The following SLC39A8 variants were observed in gnomAD, a reference collection of about 807,000 sequenced individuals.
SLC39A8 encodes solute carrier family 39 member 8.
In SLC39A8, 15 loss-of-function variants were observed where a neutral mutation model predicts 40.4. The observed-to-expected ratio is 0.37, with a 90% CI of 0.25 to 0.57. The LOEUF (loss-of-function observed/expected upper bound fraction) is 0.57. Ranked by LOEUF, SLC39A8 falls within the 20% of genes least tolerant of loss-of-function variation. SLC39A8 has a pLI of 0.75. For missense variants in SLC39A8, 472 were observed against 558.8 expected (o/e 0.84, Z 1.57); for synonymous variants, 223 against 221.6 (o/e 1.01, Z -0.06).
At chr4:102,343,033 T>C (rs1248074657) in intron 2 of SLC39A8, among the ~76,000 whole-genome samples, 1 of 152,238 alleles carries the variant, frequency 6.6e-6, no homozygotes, top group African/African-American at 2.4e-5. Flanking sequence ...AAACACTTTA[T>C]TTTCTTAAAT....
intron 2 of SLC39A8, among the ~76,000 whole-genome samples, chr4:102,335,595 T>C (rs1735631533): frequency 6.6e-6 from 1 of 152,210 alleles, no homozygotes; most frequent in Non-Finnish European, 1.5e-5. Flanking sequence ...TCAGTGGTGA[T>C]GCCAATCTGG....
At chr4:102,309,249 C>T (rs994722049) in intron 3 of SLC39A8, among the ~76,000 whole-genome samples, 3 of 152,084 alleles carry the variant, frequency 2.0e-5, no homozygotes, top group African/African-American at 7.2e-5. Flanking sequence ...AGTGCAAACA[C>T]ACACACAGAG....
rs1244400973 is a variant in SLC39A8 at position 102,267,678 on chromosome 4, G to A, written c.1049-4C>T. The A allele has an allele frequency of 2.0e-6, 3 of 1,529,352 alleles. No homozygotes were observed. Among genetic ancestry groups the A allele is most frequent in the Non-Finnish European group, 2.6e-6 (3 of 1,155,264 alleles). The allele number at this position is 1,529,352 out of a possible 1,614,324, so 94.7% of individuals were successfully genotyped here. ...TTGAGTAGGATCACAAAGTCTCCTA[G>A]AAGAAGAAGAAGAAAATATCAAGTG... On this transcript the variant is annotated splice_polypyrimidine_tract_variant and splice_region_variant and intron_variant, in intron 7 of 8. Coordinates refer to ENST00000356736, the MANE Select transcript of SLC39A8 (RefSeq NM_001135146.2).
chr4:102,316,839 A>G (rs1448826660), intron 2 of SLC39A8, among the ~76,000 whole-genome samples: 1 of 152,150 alleles, frequency 6.6e-6, no homozygotes, highest in Non-Finnish European at 1.5e-5. Context: ...GAGGTAATTA[A>G]GTTTAGATGA....
At chr4:102,276,362 T>C (rs1231981506) in intron 6 of SLC39A8, among the ~76,000 whole-genome samples, 1 of 152,210 alleles carries the variant, frequency 6.6e-6, no homozygotes, top group South Asian at 2.1e-4. Flanking sequence ...TAAACACTTC[T>C]ACGCAAATAA....
chr4:102,290,747 G>A (rs1337486536), intron 6 of SLC39A8, among the ~76,000 whole-genome samples: 1 of 152,044 alleles, frequency 6.6e-6, no homozygotes, highest in Non-Finnish European at 1.5e-5. Flanking sequence ...GCTAGTCAAC[G>A]TGAACCACAT....
At chr4:102,280,320 T>G (rs1732815567) in intron 6 of SLC39A8, among the ~76,000 whole-genome samples, 2 of 152,194 alleles carry the variant, frequency 1.3e-5, no homozygotes, top group Non-Finnish European at 1.5e-5. Flanking sequence ...TCTCCCCTAT[T>G]TATTATTTAT....
chr4:102,261,321 C>T (rs1345535430), downstream of SLC39A8, among the ~76,000 whole-genome samples: 1 of 152,174 alleles, frequency 6.6e-6, no homozygotes, highest in Non-Finnish European at 1.5e-5. Flanking sequence ...TGTTAATTGT[C>T]TGGTAAACTC....
intron 2 of SLC39A8, among the ~76,000 whole-genome samples, chr4:102,321,976 A>G (rs773879531): frequency 6.6e-6 from 1 of 152,206 alleles, no homozygotes; most frequent in African/African-American, 2.4e-5. Context: ...CATAAGAAAC[A>G]ATCCAGACCA....
At chr4:102,261,466 T>C (rs748766451), downstream of SLC39A8, among the ~76,000 whole-genome samples, 2 of 152,202 alleles carry the variant, frequency 1.3e-5, no homozygotes, top group Non-Finnish European at 2.9e-5. Flanking sequence ...GAGATCATCA[T>C]AATACTATTC....
chr4:102,279,464 G>A (rs1292249301), intron 6 of SLC39A8, among the ~76,000 whole-genome samples: 7 of 152,198 alleles, frequency 4.6e-5, no homozygotes, highest in Admixed American at 6.5e-5. Context: ...CTCCCTTCCC[G>A]ATAGTCCTGG....
intron 6 of SLC39A8, among the ~76,000 whole-genome samples, chr4:102,290,111 C>T (rs755191412): frequency 6.6e-6 from 1 of 152,126 alleles, no homozygotes; most frequent in Non-Finnish European, 1.5e-5. Context: ...CAGCAACCAC[C>T]ACCCTGGTCA....
chr4:102,342,892 G>A (rs1336270372), intron 2 of SLC39A8, among the ~76,000 whole-genome samples: 1 of 152,090 alleles, frequency 6.6e-6, no homozygotes, highest in African/African-American at 2.4e-5. Context: ...ACAATGTGTG[G>A]GCTACAGATA....
intron 2 of SLC39A8, among the ~76,000 whole-genome samples, 162 bp downstream of exon 2, chr4:102,344,282 C>T (rs1736062244): frequency 6.6e-6 from 1 of 152,074 alleles, no homozygotes; most frequent in African/African-American, 2.4e-5. Flanking sequence ...ATCCTTCAGC[C>T]TCGTCTAGTG....
chr4:102,262,899 G>A lies in SLC39A8; in HGVS notation c.*145C>T. ...ACAACAAATAATGGACTATTTCACA[G>A]ACTGATGCCAATAATTAGTTTTCTG... On this transcript the variant is annotated 3_prime_UTR_variant, in exon 9 of 9. Coordinates refer to ENST00000356736, the MANE Select transcript of SLC39A8 (RefSeq NM_001135146.2). 3 of 1,406,804 alleles carry A rather than the reference G, an allele frequency of 2.1e-6. No individual in the cohort carries two copies. The highest frequency in any genetic ancestry group is 2.8e-6 in the Non-Finnish European group (3 of 1,083,848). 87.1% of individuals were successfully genotyped at this position (1,406,804 alleles called of 1,614,324 possible).
chr4:102,275,295 AAAAC>A (rs973175520), intron 6 of SLC39A8, among the ~76,000 whole-genome samples: 3 of 151,948 alleles, frequency 2.0e-5, no homozygotes, highest in African/African-American at 7.3e-5. Flanking sequence ...AACAAAAACA[AAAAC>A]AAAAACAAAA....
chr4:102,271,300 G>A (rs568257598), intron 6 of SLC39A8, among the ~76,000 whole-genome samples: 57 of 152,248 alleles, frequency 3.7e-4, no homozygotes, highest in Middle Eastern at 6.8e-3. Context: ...TACAGAATGT[G>A]AATCTAATTC....
downstream of SLC39A8, among the ~76,000 whole-genome samples, chr4:102,258,630 G>GTT (rs751424138): frequency 1.2e-4 from 18 of 152,234 alleles, no homozygotes; most frequent in Non-Finnish European, 2.1e-4. Flanking sequence ...GCCCTTCCAG[G>GTT]GTTAAGTGCT....
chr4:102,338,278 C>A (rs1296780338), intron 2 of SLC39A8, among the ~76,000 whole-genome samples: 2 of 151,654 alleles, frequency 1.3e-5, no homozygotes, highest in African/African-American at 4.9e-5. Flanking sequence ...GCTCTGCCTC[C>A]CGGGTTCACG....
Sources: allele counts gnomAD v4.1 joint callset (sites outside exome capture counted in the v4.1 genomes callset), GRCh38; gene constraint gnomAD v4.1.1; transcripts MANE v1.5; gene names NCBI Gene and HGNC (gene_info 2026-07-23, HGNC 2026-07-21).